The following KCNG2 variants were observed in gnomAD, a reference collection of about 807,000 sequenced individuals.
The protein encoded by KCNG2 is potassium voltage-gated channel modifier subfamily G member 2, also known as voltage-gated potassium channel regulatory subunit KCNG2.
KCNG2 carries 7 observed loss-of-function variants against 12.3 expected under a neutral mutation model. That is an observed-to-expected ratio of 0.57 (90% CI 0.32 to 1.07). KCNG2 has a LOEUF of 1.07. KCNG2 is among the 50% of genes least tolerant of loss of function. KCNG2 has a pLI of 0.04. For synonymous variants in KCNG2, 414 were observed against 351.4 expected, an observed-to-expected ratio of 1.18 and a Z score of -1.99; for missense variants, 703 against 726.0, an observed-to-expected ratio of 0.97 and a Z score of 0.36.
At chr18:79,830,785 C>T (rs928651907) in intron 1 of KCNG2, among the ~76,000 whole-genome samples, 13 of 144,236 alleles carry the variant, frequency 9.0e-5, no homozygotes, top group South Asian at 8.8e-4. Flanking sequence ...GGGTTCCCTG[C>T]GGACAGAGCC....
intron 3 of KCNG2, among the ~76,000 whole-genome samples, chr18:79,874,578 A>AC (rs1483822774): frequency 1.4e-4 from 21 of 152,204 alleles, no homozygotes; most frequent in African/African-American, 5.1e-4. Flanking sequence ...CGGGGGGCCC[A>AC]CCCCAGAATT....
chr18:79,798,390 G>A (rs1327521381), intron 1 of KCNG2, among the ~76,000 whole-genome samples: 1 of 152,068 alleles, frequency 6.6e-6, no homozygotes, highest in Non-Finnish European at 1.5e-5. Context: ...GCGGGAGCCC[G>A]GGTGAGCCGA....
At chr18:79,835,312 G>A (rs969650312) in intron 1 of KCNG2, among the ~76,000 whole-genome samples, 8 of 152,178 alleles carry the variant, frequency 5.3e-5, no homozygotes, top group Non-Finnish European at 1.0e-4. Context: ...GAAAGATTTC[G>A]AATTTGGTGA....
intron 3 of KCNG2, among the ~76,000 whole-genome samples, chr18:79,890,117 T>G (rs1980693789): frequency 6.6e-6 from 1 of 152,180 alleles, no homozygotes; most frequent in African/African-American, 2.4e-5. Context: ...CGAATTCAGC[T>G]TGTTGATATT....
At chr18:79,798,350 C>G (rs1004649759) in intron 1 of KCNG2, among the ~76,000 whole-genome samples, 1 of 152,096 alleles carries the variant, frequency 6.6e-6, no homozygotes, top group African/African-American at 2.4e-5. Flanking sequence ...GTCTCGGCCG[C>G]GGATCGCCCC....
intron 3 of KCNG2, among the ~76,000 whole-genome samples, chr18:79,867,309 T>G (rs1979632742): frequency 6.6e-6 from 1 of 151,860 alleles, no homozygotes. Flanking sequence ...TGGGCAGAAG[T>G]GTGTGTCCTT....
intron 3 of KCNG2, among the ~76,000 whole-genome samples, chr18:79,883,731 G>A (rs1479278828): frequency 6.6e-6 from 1 of 152,234 alleles, no homozygotes; most frequent in Non-Finnish European, 1.5e-5. Flanking sequence ...GTGCTTATAT[G>A]TCTTAGAAGC....
intron 1 of KCNG2, among the ~76,000 whole-genome samples, chr18:79,818,404 A>G (rs984812703): frequency 2.6e-5 from 4 of 152,204 alleles, no homozygotes; most frequent in African/African-American, 9.7e-5. Flanking sequence ...GCAGACTCTC[A>G]GCCAGCCCCA....
At chr18:79,842,953 G>A (rs1282537813) in intron 1 of KCNG2, among the ~76,000 whole-genome samples, 2 of 152,102 alleles carry the variant, frequency 1.3e-5, no homozygotes, top group African/African-American at 2.4e-5. Context: ...AACAGTGATG[G>A]AAAACTTCCC....
intron 1 of KCNG2, among the ~76,000 whole-genome samples, chr18:79,805,163 A>C (rs527861047): frequency 6.6e-6 from 1 of 152,314 alleles, no homozygotes; most frequent in South Asian, 2.1e-4. Context: ...AACTTTGCAT[A>C]TCGTCAAAAG....
At chr18:79,891,351 C>T (rs1476434432) in intron 3 of KCNG2, among the ~76,000 whole-genome samples, 1 of 152,104 alleles carries the variant, frequency 6.6e-6, no homozygotes, top group Non-Finnish European at 1.5e-5. Flanking sequence ...CCATCTCAGC[C>T]CCCCAAGTAG....
At chr18:79,851,590 G>T (rs1269991991) in intron 1 of KCNG2, among the ~76,000 whole-genome samples, 1 of 150,278 alleles carries the variant, frequency 6.7e-6, no homozygotes, top group Non-Finnish European at 1.5e-5. Flanking sequence ...AAGCTACGCT[G>T]TGTGTGTGCA....
chr18:79,834,221 TTTGCCTCG>T (rs1978311368), intron 1 of KCNG2, among the ~76,000 whole-genome samples: 1 of 152,178 alleles, frequency 6.6e-6, no homozygotes, highest in South Asian at 2.1e-4. Context: ...TAAAGACCCG[TTTGCCTCG>T]GCGGCACCAG....
At chr18:79,895,856 G>A (rs1447149881) in intron 3 of KCNG2, among the ~76,000 whole-genome samples, 1 of 152,220 alleles carries the variant, frequency 6.6e-6, no homozygotes, top group Non-Finnish European at 1.5e-5. Flanking sequence ...CTTATTTTCT[G>A]TTTCATGCAC....
intron 1 of KCNG2, among the ~76,000 whole-genome samples, chr18:79,832,994 C>A (rs1978304550): frequency 6.6e-6 from 1 of 152,090 alleles, no homozygotes; most frequent in Non-Finnish European, 1.5e-5. Context: ...GGAAAGTAGC[C>A]TGGTTTCCTT....
At chr18:79,864,881 G>A (rs1338634950) in intron 3 of KCNG2, among the ~76,000 whole-genome samples, 1 of 150,918 alleles carries the variant, frequency 6.6e-6, no homozygotes, top group Non-Finnish European at 1.5e-5. Flanking sequence ...GCTGAGGTCT[G>A]TGTGCTGAGA....
chr18:79,826,888 C>T (rs1978286550), intron 1 of KCNG2, among the ~76,000 whole-genome samples: 1 of 152,234 alleles, frequency 6.6e-6, no homozygotes, highest in African/African-American at 2.4e-5. Flanking sequence ...AGTGACTAAT[C>T]ACTTGTTTGA....
At position 79,872,280 on chromosome 18, in the gene KCNG2, G is replaced by GTTTTTTTTTTTTTTTTTTT. The variant is rs1162742507; in HGVS notation, c.624+7994_624+8012dup. On this transcript the variant is annotated intron_variant, in intron 3 of 3. Coordinates refer to ENST00000316249, the MANE Select transcript of KCNG2 (RefSeq NM_012283.2). ...CTGATATAAAAGCTTCAAAGCTTCA[G>GTTTTTTTTTTTTTTTTTTT]TTTTTTTTTTTTTTTTTTTTTTTGA... Among the ~76,000 whole-genome samples the GTTTTTTTTTTTTTTTTTTT allele has an allele frequency of 5.0e-4, 37 of 73,410 alleles. 5 individuals are homozygous for GTTTTTTTTTTTTTTTTTTT. Among genetic ancestry groups the GTTTTTTTTTTTTTTTTTTT allele is most frequent in the African/African-American group, 1.8e-3 (35 of 19,066 alleles). 48.2% of individuals were successfully genotyped at this position (73,410 alleles called of 152,430 possible). A position where few individuals can be genotyped will look rare whatever the true frequency, so the allele number is the denominator to read the frequency against.
chr18:79,871,314 C>A (rs1001654061), intron 3 of KCNG2, among the ~76,000 whole-genome samples: 3 of 152,212 alleles, frequency 2.0e-5, no homozygotes, highest in African/African-American at 7.2e-5. Context: ...GAGCCCTGAA[C>A]GGCCTCATGG....
Sources: gnomAD v4.1 joint callset for allele counts (sites outside exome capture counted in the v4.1 genomes callset) on GRCh38, gnomAD v4.1.1 for gene constraint, MANE v1.5 for transcripts, NCBI Gene and HGNC (gene_info 2026-07-23, HGNC 2026-07-21) for gene names.